KCNIP4: variants seen among roughly 807,000 people sequenced by gnomAD.
KCNIP4 encodes potassium voltage-gated channel interacting protein 4.
Under a neutral mutation model 34.0 loss-of-function variants are expected in KCNIP4, and 12 were observed. The observed-to-expected ratio is 0.35, with a 90% confidence interval of 0.23 to 0.57. The LOEUF is 0.57. Among genes scored for constraint, KCNIP4 ranks in the 20% least tolerant of loss-of-function variants. The probability of loss-of-function intolerance (pLI) is 0.83; values close to 1 mark genes in which losing one functional copy is unlikely to be tolerated. For missense variants in KCNIP4, 238 were observed against 311.7 expected (o/e 0.76, Z 1.78); for synonymous variants, 124 against 102.2 (o/e 1.21, Z -1.29).
At chr4:20,867,852 C>A (rs1577283005) in intron 2 of KCNIP4, among the ~76,000 whole-genome samples, 1 of 151,964 alleles carries the variant, frequency 6.6e-6, no homozygotes, top group Non-Finnish European at 1.5e-5. Context: ...GACATAGGAA[C>A]AAGAACATCA....
chr4:21,923,570 G>T (rs1299674535), intron 1 of KCNIP4, among the ~76,000 whole-genome samples: 3 of 152,122 alleles, frequency 2.0e-5, no homozygotes, highest in Non-Finnish European at 4.4e-5. Context: ...GACAGAGTGA[G>T]ACACTGTCCC....
chr4:21,938,221 C>A (rs1051604897), intron 1 of KCNIP4, among the ~76,000 whole-genome samples: 1 of 152,114 alleles, frequency 6.6e-6, no homozygotes, highest in Admixed American at 6.5e-5. Flanking sequence ...ATCCCACTTG[C>A]GTAGTATGAC....
intron 1 of KCNIP4, chr4:21,697,386 A>T: frequency 6.4e-7 from 1 of 1,551,152 alleles, no homozygotes; most frequent in Non-Finnish European, 8.6e-7. Context: ...CTGAGAAGGT[A>T]CTGGGCAAAT....
chr4:21,076,016 C>A (rs1745456615), intron 1 of KCNIP4, among the ~76,000 whole-genome samples: 1 of 152,186 alleles, frequency 6.6e-6, no homozygotes, highest in Non-Finnish European at 1.5e-5. Context: ...CACTGTTAGT[C>A]TGACGGGTTT....
intron 3 of KCNIP4, among the ~76,000 whole-genome samples, chr4:20,777,747 T>C (rs1756498085): frequency 6.6e-6 from 1 of 152,144 alleles, no homozygotes; most frequent in Non-Finnish European, 1.5e-5. Context: ...ATTAGTGTAG[T>C]TTATGAAACC....
intron 8 of KCNIP4, chr4:20,731,760 A>G: frequency 1.0e-6 from 1 of 985,412 alleles, no homozygotes; most frequent in Non-Finnish European, 1.2e-6. Flanking sequence ...GGGAATCAAC[A>G]CAGTACATGT....
At chr4:20,805,877 G>T (rs748020098) in intron 3 of KCNIP4, among the ~76,000 whole-genome samples, 7 of 152,094 alleles carry the variant, frequency 4.6e-5, no homozygotes, top group Non-Finnish European at 1.0e-4. Flanking sequence ...CTGCTCAAAA[G>T]AAATTTTTGT....
chr4:21,686,650 G>A (rs1750824712), intron 1 of KCNIP4, among the ~76,000 whole-genome samples: 1 of 152,126 alleles, frequency 6.6e-6, no homozygotes, highest in African/African-American at 2.4e-5. Flanking sequence ...TACAGTTAGA[G>A]AGAATTCACA....
At chr4:21,690,454 C>T (rs1389595317) in intron 1 of KCNIP4, among the ~76,000 whole-genome samples, 1 of 151,932 alleles carries the variant, frequency 6.6e-6, no homozygotes, top group Non-Finnish European at 1.5e-5. Flanking sequence ...TGGTGCCCTC[C>T]CCAGTGTAAT....
At chr4:21,365,518 TA>T (rs1719669353) in intron 1 of KCNIP4, among the ~76,000 whole-genome samples, 1 of 114,542 alleles carries the variant, frequency 8.7e-6, no homozygotes, top group Non-Finnish European at 1.9e-5. Flanking sequence ...AATAAATAAA[TA>T]AATAAAAAAT....
chr4:20,761,107 G>A (rs1226115457), intron 3 of KCNIP4, among the ~76,000 whole-genome samples: 1 of 152,088 alleles, frequency 6.6e-6, no homozygotes, highest in African/African-American at 2.4e-5. Flanking sequence ...GAACAAAGAC[G>A]GACCTTCCCA....
chr4:20,745,250 T>C (rs1241202644), intron 5 of KCNIP4, among the ~76,000 whole-genome samples: 3 of 152,188 alleles, frequency 2.0e-5, no homozygotes, highest in Admixed American at 6.6e-5. Flanking sequence ...TTTTCTAGTA[T>C]TTGTGAACAA....
intron 1 of KCNIP4, among the ~76,000 whole-genome samples, chr4:21,025,786 C>T (rs953938558): frequency 1.3e-5 from 2 of 151,948 alleles, no homozygotes; most frequent in African/African-American, 4.8e-5. Context: ...GATCTCCTGA[C>T]CAGGCTATCT....
intron 4 of KCNIP4, chr4:20,753,036 A>C (rs1753919497): frequency 6.6e-6 from 1 of 152,186 alleles, no homozygotes; most frequent in African/African-American, 2.4e-5. Context: ...GAGTTTGTTA[A>C]GCTGGGATTG....
At chr4:21,320,750 C>G (rs1171759948) in intron 1 of KCNIP4, among the ~76,000 whole-genome samples, 3 of 151,930 alleles carry the variant, frequency 2.0e-5, no homozygotes, top group African/African-American at 7.3e-5. Flanking sequence ...GCGGGTGGAT[C>G]ACTTGAGGCC....
At chr4:21,915,740 A>G (rs1728592607) in intron 1 of KCNIP4, among the ~76,000 whole-genome samples, 1 of 152,216 alleles carries the variant, frequency 6.6e-6, no homozygotes, top group African/African-American at 2.4e-5. Context: ...TGTAGAGACC[A>G]TCTCTTTCTA....
chr4:21,259,738 T>G (rs1055111043), intron 1 of KCNIP4, among the ~76,000 whole-genome samples: 5 of 152,122 alleles, frequency 3.3e-5, no homozygotes, highest in Non-Finnish European at 4.4e-5. Flanking sequence ...TTTTTCCATA[T>G]TTTAGCCTCA....
chr4:21,460,426 C>A (rs1159304300), intron 1 of KCNIP4, among the ~76,000 whole-genome samples: 2 of 152,046 alleles, frequency 1.3e-5, no homozygotes, highest in Non-Finnish European at 2.9e-5. Context: ...GCTCAGATTG[C>A]CATACCGAAA....
At chr4:21,920,362 A>T (rs2108994494) in intron 1 of KCNIP4, among the ~76,000 whole-genome samples, 1 of 152,268 alleles carries the variant, frequency 6.6e-6, no homozygotes, top group Non-Finnish European at 1.5e-5. Flanking sequence ...ACTATATAGA[A>T]TTACAACTGT....
Sources: allele counts gnomAD v4.1 joint callset (sites outside exome capture counted in the v4.1 genomes callset), GRCh38; gene constraint gnomAD v4.1.1; transcripts MANE v1.5; gene names NCBI Gene and HGNC (gene_info 2026-07-23, HGNC 2026-07-21).